TENM3: variants seen among roughly 807,000 people sequenced by gnomAD.
TENM3 encodes the protein teneurin-3.
A neutral mutation model predicts 255.1 loss-of-function variants in TENM3; 63 were observed. That is an observed-to-expected ratio of 0.25 (90% CI 0.20 to 0.30). The LOEUF (loss-of-function observed/expected upper bound fraction) is 0.30, where lower values mean the gene tolerates loss of function less well. Ranked by LOEUF, TENM3 falls within the 10% of genes least tolerant of loss-of-function variation. TENM3 has a pLI of 1.00. For synonymous variants in TENM3, 1,306 were observed against 1,322.3 expected (o/e 0.99, Z 0.27); for missense variants, 2,929 against 3,461.1 (o/e 0.85, Z 3.86).
Position 182,364,086 on chromosome 4 carries a change from A to G in TENM3, c.511+17157A>G, listed in dbSNP as rs942577920. On this transcript the variant is annotated intron_variant, in intron 3 of 27. Transcript: ENST00000511685. ...CCATTTAAAGAGTTTGTGCTTTCAC[A>G]TAATCACTGGAATTTTTAAAGCATC... Among the ~76,000 whole-genome samples the G allele has an allele frequency of 3.3e-5, 5 of 152,066 alleles. No homozygotes were observed. In the East Asian group the frequency reaches 7.8e-4, roughly 24 times the overall value.
chr4:182,583,607 T>G (rs1745720777), intron 3 of TENM3, among the ~76,000 whole-genome samples: 1 of 152,140 alleles, frequency 6.6e-6, no homozygotes, highest in South Asian at 2.1e-4. Flanking sequence ...TCTCCCTAAT[T>G]TTTATATAAG....
chr4:182,559,049 C>T (rs1742861915), intron 3 of TENM3, among the ~76,000 whole-genome samples: 2 of 151,968 alleles, frequency 1.3e-5, no homozygotes, highest in Admixed American at 1.3e-4. Context: ...GAGTTCCCAA[C>T]CCAGTTAAAT....
chr4:181,811,622 T>C, the TENM3 span, among the ~76,000 whole-genome samples: 121,677 of 152,176 alleles, frequency 0.8, 50,685 homozygotes, highest in Non-Finnish European at 0.92. Context: ...ACAATCATGG[T>C]GGAAGACAAA....
chr4:182,596,206 AT>A (rs1235227082), intron 3 of TENM3, among the ~76,000 whole-genome samples: 1 of 152,200 alleles, frequency 6.6e-6, no homozygotes, highest in Admixed American at 6.5e-5. Flanking sequence ...ATATTTGCAA[AT>A]TACCTTATAG....
rs779467367 is a variant in TENM3 at position 182,800,375 on chromosome 4, C to G, written c.*24C>G. ...AACGCCCGGGCCGCGCCCGCCGAGC[C>G]GCTCACGCCCTGCCCACATTGTCCT... is the stretch of plus-strand genomic sequence containing the variant. On this transcript the variant is annotated 3_prime_UTR_variant, in exon 28 of 28. Coordinates refer to ENST00000511685, the MANE Select transcript of TENM3 (RefSeq NM_001080477.4). The G allele has an allele frequency of 6.5e-7, 1 of 1,537,526 alleles. No homozygotes were observed. The highest frequency in any genetic ancestry group is 8.7e-7 in the Non-Finnish European group (1 of 1,149,866).
chr4:181,482,198 G>T, the TENM3 span, among the ~76,000 whole-genome samples: 1 of 152,066 alleles, frequency 6.6e-6, no homozygotes, highest in African/African-American at 2.4e-5. Flanking sequence ...ATGTAATAGT[G>T]ATCAGATCAA....
intron 1 of TENM3, among the ~76,000 whole-genome samples, chr4:182,265,963 G>T (rs1000854816): frequency 3.9e-5 from 6 of 152,310 alleles, no homozygotes; most frequent in African/African-American, 7.2e-5. Flanking sequence ...GTCATAAACT[G>T]CCTCTTTAAC....
chr4:182,736,711 CTA>C (rs1390104139), intron 16 of TENM3, 95 bp from the exon 17 acceptor site: 10 of 1,143,910 alleles, frequency 8.7e-6, no homozygotes, highest in Non-Finnish European at 1.2e-5. Flanking sequence ...CAGAGAGTCA[CTA>C]TTCACAAATA....
At chr4:182,686,416 G>T (rs1161659459) in intron 11 of TENM3, among the ~76,000 whole-genome samples, 1 of 152,006 alleles carries the variant, frequency 6.6e-6, no homozygotes, top group Non-Finnish European at 1.5e-5. Context: ...ATTTACATTT[G>T]TGGCTTAAAG....
At chr4:182,498,603 C>T (rs956905963) in intron 3 of TENM3, among the ~76,000 whole-genome samples, 1 of 152,158 alleles carries the variant, frequency 6.6e-6, no homozygotes, top group Non-Finnish European at 1.5e-5. Context: ...CCTGTAATCC[C>T]AGCACTTTGT....
At chr4:181,714,868 T>C in the TENM3 span, among the ~76,000 whole-genome samples, 1 of 152,218 alleles carries the variant, frequency 6.6e-6, no homozygotes, top group Non-Finnish European at 1.5e-5. Flanking sequence ...TGTGAGATTC[T>C]AGTTTAGGAA....
the TENM3 span, among the ~76,000 whole-genome samples, chr4:181,690,144 G>T: frequency 3.4e-4 from 52 of 152,246 alleles, no homozygotes; most frequent in Middle Eastern, 0.01. Flanking sequence ...CCTGTTCAAA[G>T]GACTAAAATT....
chr4:182,269,960 G>C (rs1398695737), intron 1 of TENM3, among the ~76,000 whole-genome samples: 4 of 152,168 alleles, frequency 2.6e-5, no homozygotes, highest in African/African-American at 9.7e-5. Context: ...GAAAGTTGGG[G>C]CATCCAGAAG....
chr4:182,145,799 C>T (rs1211775964), intron 1 of TENM3, among the ~76,000 whole-genome samples: 2 of 152,226 alleles, frequency 1.3e-5, no homozygotes, highest in Non-Finnish European at 2.9e-5. Flanking sequence ...ACTGTCTCTT[C>T]ATCATGCTCT....
chr4:181,846,013 G>A, the TENM3 span, among the ~76,000 whole-genome samples: 1 of 152,116 alleles, frequency 6.6e-6, no homozygotes, highest in Non-Finnish European at 1.5e-5. Context: ...ATATTTGAAA[G>A]CCCCTTCTGA....
chr4:181,618,383 C>T, the TENM3 span, among the ~76,000 whole-genome samples: 2 of 152,212 alleles, frequency 1.3e-5, no homozygotes, highest in Admixed American at 1.3e-4. Flanking sequence ...ATATATCCAT[C>T]CCATTGCTCG....
intron 1 of TENM3, among the ~76,000 whole-genome samples, chr4:182,208,749 G>A (rs1561198782): frequency 6.6e-6 from 1 of 152,190 alleles, no homozygotes; most frequent in Non-Finnish European, 1.5e-5. Flanking sequence ...CTTGGGAGCA[G>A]CTGATTTCAT....
At chr4:182,762,219 A>C (rs1450980695) in intron 22 of TENM3, among the ~76,000 whole-genome samples, 1 of 152,192 alleles carries the variant, frequency 6.6e-6, no homozygotes, top group Non-Finnish European at 1.5e-5. Flanking sequence ...AGGGTGTTCC[A>C]TTTGGCAAGT....
chr4:181,616,558 G>A, the TENM3 span, among the ~76,000 whole-genome samples: 5 of 151,142 alleles, frequency 3.3e-5, no homozygotes, highest in African/African-American at 1.2e-4. Flanking sequence ...TTATATGAGA[G>A]GATTTAGTGG....
Sources: gnomAD v4.1 joint callset for allele counts (sites outside exome capture counted in the v4.1 genomes callset) on GRCh38, gnomAD v4.1.1 for gene constraint, MANE v1.5 for transcripts, NCBI Gene and HGNC (gene_info 2026-07-23, HGNC 2026-07-21) for gene names.